Variants in SLC6A12 observed in about 807,000 individuals in gnomAD.
The protein encoded by SLC6A12 is sodium- and chloride-dependent betaine transporter.
SLC6A12 carries 50 observed loss-of-function variants against 73.3 expected under a neutral mutation model. The ratio of observed to expected loss-of-function variants is 0.68; its 90% CI spans 0.54 to 0.86. The LOEUF is 0.86. SLC6A12 is among the 40% of genes least tolerant of loss of function. The pLI is 0.00. For synonymous variants in SLC6A12, 304 were observed against 309.2 expected (o/e 0.98, Z 0.18); for missense variants, 648 against 772.8 (o/e 0.84, Z 1.92).
chr12:200,568 T>TCAGTTCTC lies in SLC6A12; in HGVS notation c.711+75_711+82dup, dbSNP rs1419668138. On this transcript the variant is annotated intron_variant, in intron 7 of 15. Coordinates refer to ENST00000684302, the MANE Select transcript of SLC6A12 (RefSeq NM_001122848.3). ...AGTGTAGTTTCTTAATAGAAAGAAA[T>TCAGTTCTC]CAGTTCTCCAGAGGGTCCCCCTCAA... is the stretch of plus-strand genomic sequence containing the variant. 1.3e-5 allele frequency: 19 copies of TCAGTTCTC among 1,435,282 alleles called. No individual in the cohort carries two copies. In the East Asian group the frequency reaches 4.4e-4, roughly 33 times the overall value. The allele number at this position is 1,435,282 out of a possible 1,614,324, so 88.9% of individuals were successfully genotyped here.
downstream of SLC6A12, among the ~76,000 whole-genome samples, chr12:185,091 T>C (rs1591771367): frequency 6.6e-6 from 1 of 152,194 alleles, no homozygotes; most frequent in East Asian, 1.9e-4. Flanking sequence ...AAACTGTCAT[T>C]ATTTCCAGAC....
downstream of SLC6A12, among the ~76,000 whole-genome samples, chr12:186,242 G>A (rs1461968681): frequency 6.6e-6 from 1 of 152,164 alleles, no homozygotes; most frequent in African/African-American, 2.4e-5. Context: ...ACAGGCCACA[G>A]TGCACGCTAA....
Position 199,191 on chromosome 12 carries a change from C to A in SLC6A12, c.712-260G>T, listed in dbSNP as rs76933002. 3.2e-3 allele frequency: 1,631 copies of A among 517,450 alleles called. 27 individuals carry two copies. The highest frequency in any genetic ancestry group is 0.028 in the African/African-American group (1,463 of 52,430). The allele number at this position is 517,450 out of a possible 1,614,324, so 32.1% of individuals were successfully genotyped here. ...GACAGGGAGGGAGGCAGGGTACAGG[C>A]TTCCAGCCCATAACCTGTCCAAGAC... On this transcript the variant is annotated intron_variant, in intron 7 of 15. Transcript: ENST00000684302.
At chr12:195,198 T>G in intron 13 of SLC6A12, 27 bp downstream of exon 13, 1 of 1,427,958 alleles carries the variant, frequency 7.0e-7, no homozygotes, top group Non-Finnish European at 9.9e-7. Flanking sequence ...CCCACCCTGC[T>G]TTCCCACCCC....
At chr12:207,216 CTA>C (rs1940695017) in intron 3 of SLC6A12, among the ~76,000 whole-genome samples, 1 of 152,254 alleles carries the variant, frequency 6.6e-6, no homozygotes, top group Non-Finnish European at 1.5e-5. Flanking sequence ...TCAGCCCAGG[CTA>C]TGGGCACGGG....
chr12:209,591 C>T (rs774775719), intron 3 of SLC6A12, 182 bp downstream of exon 3: 85 of 641,238 alleles, frequency 1.3e-4, no homozygotes, highest in Non-Finnish European at 2.1e-4. Context: ...AGGTATTGTC[C>T]CCATTTCACA....
At chr12:189,053 G>A (rs893431405), downstream of SLC6A12, among the ~76,000 whole-genome samples, 2 of 152,234 alleles carry the variant, frequency 1.3e-5, no homozygotes, top group Non-Finnish European at 2.9e-5. Flanking sequence ...GAATCTGAAA[G>A]AGGGCTGTGC....
rs1215840605 is a variant in SLC6A12, at chr12:201,808, C to T, written c.532G>A (p.Val178Met). Residue 178 changes from valine (V) to methionine (M), a missense_variant, in exon 6 of 16, where the codon GTG (valine) becomes ATG (methionine). Physicochemically the swap from Val to Met is conservative, Grantham distance 21. Transcript: ENST00000684302. ...DFLNHSGAGT[V>M]TPFENFTSPV... Reference sequence around the variant, plus strand: ...GAGGTAAAATTCTCAAATGGGGTCACTGTGCCGGCTCCTGAGTGGTTCAGA... The same window carrying T: ...GAGGTAAAATTCTCAAATGGGGTCATTGTGCCGGCTCCTGAGTGGTTCAGA... The T allele has an allele frequency of 6.2e-7, 1 of 1,614,132 alleles. No individual in the cohort carries two copies. Among genetic ancestry groups the T allele is most frequent in the Non-Finnish European group, 8.5e-7 (1 of 1,179,996 alleles).
At chr12:195,495 C>T (rs1034397311) in intron 12 of SLC6A12, among the ~76,000 whole-genome samples, 168 bp from the exon 13 acceptor site, 6 of 152,166 alleles carry the variant, frequency 3.9e-5, no homozygotes, top group African/African-American at 1.4e-4. Flanking sequence ...CCTTCAGGCC[C>T]CCCAGTCAAC....
chr12:191,789 G>A (rs632325), intron 15 of SLC6A12, among the ~76,000 whole-genome samples: 3,336 of 152,242 alleles, frequency 0.022, 127 homozygotes, highest in African/African-American at 0.076. Context: ...AACACAGCAT[G>A]CCCAGGATGG....
intron 15 of SLC6A12, among the ~76,000 whole-genome samples, chr12:192,050 C>G (rs1743437869): frequency 6.6e-6 from 1 of 152,178 alleles, no homozygotes; most frequent in African/African-American, 2.4e-5. Flanking sequence ...TGCGTGTGTC[C>G]CCAGGCAGAG....
In SLC6A12 at chr12:198,079, T is replaced by TC; in HGVS notation, c.847-77dup. 2 of 1,176,292 alleles carry TC rather than the reference T, an allele frequency of 1.7e-6. No homozygotes were observed. Among genetic ancestry groups the TC allele is most frequent in the Non-Finnish European group, 1.3e-6 (1 of 791,986 alleles). 72.9% of individuals were successfully genotyped at this position (1,176,292 alleles called of 1,614,324 possible). On this transcript the variant is annotated intron_variant, in intron 8 of 15. Coordinates refer to ENST00000684302, the MANE Select transcript of SLC6A12 (RefSeq NM_001122848.3). This position sits in a 1 kb window ranked among gnomAD's most constrained non-coding sequence, Gnocchi z 4.0. ...CAGGGTGACCCGAGATCCAGACCCG[T>TC]CCCCTGCAGCACCAGCCTGGCCCCT...
downstream of SLC6A12, among the ~76,000 whole-genome samples, chr12:185,989 A>G (rs933700018): frequency 2.0e-5 from 3 of 152,220 alleles, no homozygotes; most frequent in Non-Finnish European, 4.4e-5. Flanking sequence ...GAAGCTGGGC[A>G]TGCGAGCACG....
Position 202,835 on chromosome 12 carries a change from T to A in SLC6A12, c.395A>T (p.Tyr132Phe), listed in dbSNP as rs201072513. The A allele has an allele frequency of 4.3e-6, 7 of 1,613,778 alleles. No individual in the cohort carries two copies. In the African/African-American group the frequency reaches 9.3e-5, roughly 22 times the overall value. The change falls in exon 5 of 16, where the codon TAC (tyrosine) becomes TTC (phenylalanine). Residue 132 changes from tyrosine (Y) to phenylalanine (F), a missense_variant. By Grantham distance (22) the Tyr-to-Phe change is conservative (BLOSUM62 3). Transcript: ENST00000684302. The part of the protein sequence containing the change: ...SVVIESYLNV[Y>F]YIIILAWALF... ...AGCCCAGGCAAGGATGATGATGTAGTAGACATTCAAATATGACTCGATGAC... is the reference window on the plus strand; with the variant it reads ...AGCCCAGGCAAGGATGATGATGTAGAAGACATTCAAATATGACTCGATGAC...
At chr12:184,816 C>G in the SLC6A12 span, among the ~76,000 whole-genome samples, 1 of 151,986 alleles carries the variant, frequency 6.6e-6, no homozygotes, top group African/African-American at 2.4e-5. Context: ...TGCCTGTAAT[C>G]CAGCTACTGG....
chr12:185,974 G>A (rs749539475), downstream of SLC6A12, among the ~76,000 whole-genome samples: 3 of 152,218 alleles, frequency 2.0e-5, no homozygotes, highest in Non-Finnish European at 4.4e-5. Context: ...AGCAGAACCT[G>A]CAAGGAAGCT....
rs1565475864 is a variant in SLC6A12, at chr12:204,175, C to A, written c.349+389G>T. On this transcript the variant is annotated intron_variant, in intron 4 of 15. Coordinates refer to ENST00000684302, the MANE Select transcript of SLC6A12 (RefSeq NM_001122848.3). ...ACGACTGCTGGGGTCGAGGGCAGAA[C>A]AGGGGGAAACTGTGTTCTGGCGGAG... is the stretch of plus-strand genomic sequence containing the variant. 1.3e-5 allele frequency: 3 copies of A among 231,724 alleles called. No individual in the cohort carries two copies. In the Admixed American group the frequency reaches 1.5e-4, roughly 12 times the overall value. 14.4% of individuals were successfully genotyped at this position (231,724 alleles called of 1,614,324 possible).
At position 195,167 on chromosome 12, in the gene SLC6A12, G is replaced by A. The variant is rs1939802602; in HGVS notation, c.1429+58C>T. On this transcript the variant is annotated intron_variant, in intron 13 of 15. Transcript: ENST00000684302. Reference sequence around the variant, plus strand: ...CCTCCCCCAGGCAAAGCCTGCCCCTGGCTGGCTAGACGGTCTTTCTCCCAC... The same window carrying A: ...CCTCCCCCAGGCAAAGCCTGCCCCTAGCTGGCTAGACGGTCTTTCTCCCAC... 6 of 1,123,330 alleles carry A rather than the reference G, an allele frequency of 5.3e-6. No homozygotes were observed. In the South Asian group the frequency reaches 6.3e-5, roughly 12 times the overall value. 69.6% of individuals were successfully genotyped at this position (1,123,330 alleles called of 1,614,324 possible). A position where few individuals can be genotyped will look rare whatever the true frequency, so the allele number is the denominator to read the frequency against.
intron 2 of SLC6A12, 149 bp downstream of exon 2, chr12:211,877 A>C (rs1450050919): frequency 6.6e-6 from 1 of 152,236 alleles, no homozygotes; most frequent in Non-Finnish European, 1.5e-5. Flanking sequence ...CGTATTATTG[A>C]AGTGCATCCT....
Sources: allele counts gnomAD v4.1 joint callset (sites outside exome capture counted in the v4.1 genomes callset), GRCh38; gene constraint gnomAD v4.1.1; non-coding constraint Gnocchi (gnomAD v3.1); transcripts MANE v1.5; gene names NCBI Gene and HGNC (gene_info 2026-07-23, HGNC 2026-07-21).